FAT4: variants seen among roughly 807,000 people sequenced by gnomAD.
FAT4 encodes protocadherin Fat 4.
Under a neutral mutation model 303.9 loss-of-function variants are expected in FAT4, and 84 were observed. That is an observed-to-expected ratio of 0.28 (90% CI 0.23 to 0.33). The LOEUF (loss-of-function observed/expected upper bound fraction) is 0.33. Ranked by LOEUF, FAT4 falls within the 10% of genes least tolerant of loss-of-function variation. The pLI is 1.00. For synonymous variants in FAT4, 2,307 were observed against 2,298.8 expected, an observed-to-expected ratio of 1.00 and a Z score of -0.10; for missense variants, 6,005 against 6,146.8, an observed-to-expected ratio of 0.98 and a Z score of 0.77.
At chr4:125,335,974 T>A (rs1731555618) in intron 2 of FAT4, among the ~76,000 whole-genome samples, 1 of 152,098 alleles carries the variant, frequency 6.6e-6, no homozygotes, top group Non-Finnish European at 1.5e-5. Context: ...CATTCAGTTA[T>A]TTACTTCTTG....
Position 125,491,766 on chromosome 4 carries a change from T to C in FAT4, c.14950T>C (p.Ter4984ArgextTer14). 6.2e-7 allele frequency: 1 copy of C among 1,605,394 alleles called. No individual in the cohort carries two copies. The highest frequency in any genetic ancestry group is 1.3e-5 in the African/African-American group (1 of 74,432). ...PKDGEAEQYV[*>R] ...AGATGGGGAAGCAGAACAGTATGTGTGAAGTTTATGTACTGGCACTATAAA... is the reference window on the plus strand; with the variant it reads ...AGATGGGGAAGCAGAACAGTATGTGCGAAGTTTATGTACTGGCACTATAAA... Residue 4984 changes from the stop codon to arginine, a stop_lost, in exon 18 of 18, where the codon TGA (stop) becomes CGA (arginine). Coordinates refer to ENST00000394329, the MANE Select transcript of FAT4 (RefSeq NM_001291303.3).
chr4:125,365,221 G>A (rs1732832109), intron 2 of FAT4, among the ~76,000 whole-genome samples: 1 of 152,114 alleles, frequency 6.6e-6, no homozygotes, highest in African/African-American at 2.4e-5. Flanking sequence ...TAAATGTGAG[G>A]TCACTCTGAG....
chr4:125,320,796 A>G lies in FAT4; in HGVS notation c.4385A>G (p.Gln1462Arg). The change falls in exon 2 of 18, where the codon CAG becomes CGG. Residue 1462 changes from glutamine to arginine, a missense_variant. By Grantham distance (43) the Gln-to-Arg change is conservative. Coordinates refer to ENST00000394329, the MANE Select transcript of FAT4 (RefSeq NM_001291303.3). Reference protein sequence around the residue: ...NGQLSYTIIQQMPRGNHFTID... With the variant: ...NGQLSYTIIQRMPRGNHFTID... ...CAACTATCCTACACAATCATTCAAC[A>G]GATGCCAAGAGGCAACCACTTTACC... The G allele has an allele frequency of 6.2e-7, 1 of 1,614,104 alleles. No homozygotes were observed. Among genetic ancestry groups the G allele is most frequent in the Non-Finnish European group, 8.5e-7 (1 of 1,179,922 alleles).
Position 125,489,847 on chromosome 4 carries a change from C to CTTTTTTTTTT in FAT4, c.13085-42_13085-33dup, listed in dbSNP as rs60144993. 8.3e-4 allele frequency: 372 copies of CTTTTTTTTTT among 448,820 alleles called. 48 individuals are homozygous for CTTTTTTTTTT. The highest frequency in any genetic ancestry group is 1.9e-3 in the South Asian group (52 of 27,870). 27.8% of individuals were successfully genotyped at this position (448,820 alleles called of 1,614,324 possible). The stretch of plus-strand genomic sequence containing the variant: ...AGAACCCAGCAGTGTAGTATAAGCT[C>CTTTTTTTTTT]TTTTTTTTTTTTTTTTTTTTTGTAA... On this transcript the variant is annotated intron_variant, in intron 17 of 17. Transcript: ENST00000394329.
At chr4:125,367,749 T>C (rs552720091) in intron 2 of FAT4, among the ~76,000 whole-genome samples, 2 of 152,276 alleles carry the variant, frequency 1.3e-5, no homozygotes, top group African/African-American at 4.8e-5. Context: ...CATTGCCATT[T>C]TTAATCAGAT....
chr4:125,394,363 AC>A (rs1039583575), intron 2 of FAT4, among the ~76,000 whole-genome samples: 2 of 152,204 alleles, frequency 1.3e-5, no homozygotes, highest in African/African-American at 4.8e-5. Context: ...TCCAGTCTAA[AC>A]AAATGTAAAG....
intron 2 of FAT4, among the ~76,000 whole-genome samples, chr4:125,396,926 G>GTATATA (rs66744105): frequency 2.8e-5 from 4 of 143,906 alleles, no homozygotes; most frequent in African/African-American, 5.1e-5. Flanking sequence ...ATGTGTGTGT[G>GTATATA]TATATATATA....
At chr4:125,434,769 C>T (rs139000137) in intron 8 of FAT4, among the ~76,000 whole-genome samples, 10 of 152,326 alleles carry the variant, frequency 6.6e-5, no homozygotes, top group Non-Finnish European at 1.5e-4. Flanking sequence ...GCCAAGATGA[C>T]TTTGCATGCC....
intron 2 of FAT4, 146 bp from the exon 3 acceptor site, chr4:125,398,638 G>A: frequency 2.9e-6 from 2 of 695,412 alleles, no homozygotes; most frequent in South Asian, 2.2e-5. Flanking sequence ...TTTTCCCTAG[G>A]GGTAGTTTCT....
rs770033585 is a variant in FAT4, at chr4:125,316,609, G to A, written c.198G>A (p.Thr66=). 1.2e-6 allele frequency: 2 copies of A among 1,613,874 alleles called. No homozygotes were observed. Among genetic ancestry groups the A allele is most frequent in the Non-Finnish European group, 8.5e-7 (1 of 1,180,018 alleles). Residue 66 remains threonine, a synonymous_variant, in exon 2 of 18, where the codon ACG becomes ACA. Coordinates refer to ENST00000394329, the MANE Select transcript of FAT4 (RefSeq NM_001291303.3). The surrounding 1 kb of genome is among the most constrained non-coding windows in gnomAD (Gnocchi z 5.7). ...GCACTCTGGTAGGCACCATCCAGAC[G>A]CGCCCCGGCTTCACCTACAGGCTCA... is the stretch of plus-strand genomic sequence containing the variant. ...PPGTLVGTIQ[T]RPGFTYRLSE...
intron 2 of FAT4, among the ~76,000 whole-genome samples, chr4:125,342,470 T>C (rs1731835888): frequency 6.6e-6 from 1 of 151,998 alleles, no homozygotes; most frequent in Non-Finnish European, 1.5e-5. Flanking sequence ...AACAGGATTG[T>C]TTTATTTACA....
chr4:125,460,921 T>G (rs2126069103), intron 10 of FAT4, among the ~76,000 whole-genome samples: 1 of 152,220 alleles, frequency 6.6e-6, no homozygotes, highest in African/African-American at 2.4e-5. Context: ...ATTTTTAAAC[T>G]GAAATACTGA....
chr4:125,420,751 A>G (rs1286525789), intron 7 of FAT4, among the ~76,000 whole-genome samples: 2 of 152,180 alleles, frequency 1.3e-5, no homozygotes, highest in African/African-American at 2.4e-5. Context: ...TGCTTGAGCT[A>G]TATTCTCATG....
In FAT4 at chr4:125,451,478, C is replaced by A. The variant is rs1227571012; in HGVS notation, c.10468C>A (p.Pro3490Thr). ...AGTTTTGGCTGTTGATTCAGGGACC[C>A]CCTCAGCTACAGGTAGTGCCTCTTT... ...LSVLAVDSGT[P>T]SATGSASLLV... Residue 3490 changes from proline to threonine, a missense_variant, in exon 10 of 18, where the codon CCC becomes ACC. Physicochemically the swap from Pro to Thr is conservative, Grantham distance 38. Coordinates refer to ENST00000394329, the MANE Select transcript of FAT4 (RefSeq NM_001291303.3). 4 of 1,614,084 alleles carry A rather than the reference C, an allele frequency of 2.5e-6. No homozygotes were observed. In the Admixed American group the frequency reaches 5.0e-5, roughly 20 times the overall value.
chr4:125,415,714 G>A lies in FAT4; in HGVS notation c.6751G>A (p.Asp2251Asn), dbSNP rs780126185. 1 of 1,613,936 alleles carries A rather than the reference G, an allele frequency of 6.2e-7. No individual in the cohort carries two copies. Among genetic ancestry groups the A allele is most frequent in the Non-Finnish European group, 8.5e-7 (1 of 1,179,910 alleles). The part of the protein sequence containing the change: ...DTSTVSIVLL[D>N]INDFVPVFEL... ...CTCCACGGTCAGCATTGTTCTACTG[G>A]ATATTAATGACTTTGTTCCTGTATT... The change falls in exon 6 of 18, where the codon GAT (aspartate) becomes AAT (asparagine). Residue 2251 changes from aspartate to asparagine, a missense_variant. Coordinates refer to ENST00000394329, the MANE Select transcript of FAT4 (RefSeq NM_001291303.3).
intron 7 of FAT4, among the ~76,000 whole-genome samples, chr4:125,430,620 G>A (rs1230440962): frequency 2.0e-5 from 3 of 151,076 alleles, no homozygotes; most frequent in Non-Finnish European, 4.4e-5. Flanking sequence ...TAAGAAAGTT[G>A]AGACAGTTGA....
rs1272369474 is a variant in FAT4 at position 125,316,723 on chromosome 4, C to T, written c.312C>T (p.Asp104=). 6.2e-7 allele frequency: 1 copy of T among 1,613,974 alleles called. No homozygotes were observed. The highest frequency in any genetic ancestry group is 8.5e-7 in the Non-Finnish European group (1 of 1,180,044). The part of the protein sequence containing the change: ...STIDRESLPS[D]VINLVVLSSA... ...TCGACCGCGAGAGCCTGCCCAGCGA[C>T]GTGATCAACCTGGTGGTCCTTTCCA... is the stretch of plus-strand genomic sequence containing the variant. The change falls in exon 2 of 18, where the codon GAC becomes GAT. Residue 104 remains aspartate (D), a synonymous_variant. Transcript: ENST00000394329. The surrounding 1 kb of genome is among the most constrained non-coding windows in gnomAD (Gnocchi z 5.7).
At chr4:125,465,443 A>G (rs559617322) in intron 11 of FAT4, among the ~76,000 whole-genome samples, 12 of 152,202 alleles carry the variant, frequency 7.9e-5, no homozygotes, top group Admixed American at 1.3e-4. Flanking sequence ...TAAGGGGATT[A>G]GAGTGTAAAC....
At chr4:125,325,198 G>C (rs1240989304) in intron 2 of FAT4, among the ~76,000 whole-genome samples, 1 of 152,048 alleles carries the variant, frequency 6.6e-6, no homozygotes, top group Non-Finnish European at 1.5e-5. Flanking sequence ...ACTTTTCATA[G>C]TCTGTTACAT....
Sources: gnomAD v4.1 joint callset for allele counts (sites outside exome capture counted in the v4.1 genomes callset) on GRCh38, gnomAD v4.1.1 for gene constraint, Gnocchi (gnomAD v3.1) non-coding constraint, MANE v1.5 for transcripts, NCBI Gene and HGNC (gene_info 2026-07-23, HGNC 2026-07-21) for gene names.